TNFRSF14: variants seen among roughly 807,000 people sequenced by gnomAD.
The protein encoded by TNFRSF14 is TNF receptor superfamily member 14, also known as tumor necrosis factor receptor superfamily member 14.
Under a neutral mutation model 34.1 loss-of-function variants are expected in TNFRSF14, and 18 were observed. That is an observed-to-expected ratio of 0.53 (90% CI 0.36 to 0.78). TNFRSF14 has a LOEUF of 0.78. TNFRSF14 is among the 30% of genes least tolerant of loss of function. The pLI is 0.00. For missense variants in TNFRSF14, 352 were observed against 379.5 expected (o/e 0.93, Z 0.60); for synonymous variants, 157 against 153.2 (o/e 1.02, Z -0.18).
rs958988813 is a variant in TNFRSF14, at chr1:2,557,920, C to G, written c.178+86C>G. On this transcript the variant is annotated intron_variant, in intron 2 of 7. Coordinates refer to ENST00000355716, the MANE Select transcript of TNFRSF14 (RefSeq NM_003820.4). ...TCTGCCCCAGACACCCCTGTGTTCT[C>G]TGCCCCCACAGCCATGGGTGTGATG... 4 of 1,137,262 alleles carry G rather than the reference C, an allele frequency of 3.5e-6. No individual in the cohort carries two copies. In the African/African-American group the frequency reaches 4.7e-5, roughly 13 times the overall value. 70.4% of individuals were successfully genotyped at this position (1,137,262 alleles called of 1,614,324 possible).
chr1:2,558,413 C>T lies in TNFRSF14; in HGVS notation c.249C>T (p.Tyr83=). 6.2e-7 allele frequency: 1 copy of T among 1,613,528 alleles called. No individual in the cohort carries two copies. The highest frequency in any genetic ancestry group is 8.5e-7 in the Non-Finnish European group (1 of 1,179,856). Residue 83 remains tyrosine (Y), a synonymous_variant, in exon 3 of 8, where the codon TAC becomes TAT. Coordinates refer to ENST00000355716, the MANE Select transcript of TNFRSF14 (RefSeq NM_003820.4). ...TVCEPCPPGT[Y]IAHLNGLSKC... is the part of the protein sequence containing the mutation. ...GTGAACCCTGCCCTCCAGGCACCTA[C>T]ATTGCCCACCTCAATGGCCTAAGCA...
chr1:2,556,659 T>C lies in TNFRSF14; in HGVS notation c.-6T>C. 6.2e-7 allele frequency: 1 copy of C among 1,609,838 alleles called. No homozygotes were observed. Among genetic ancestry groups the C allele is most frequent in the Non-Finnish European group, 8.5e-7 (1 of 1,178,040 alleles). ...GGTTCCCGAGCTGCCGGTCTGAGCCTGAGGCATGGAGCCTCCTGGAGACTG... is the reference window on the plus strand; with the variant it reads ...GGTTCCCGAGCTGCCGGTCTGAGCCCGAGGCATGGAGCCTCCTGGAGACTG... On this transcript the variant is annotated 5_prime_UTR_variant, in exon 1 of 8. Transcript: ENST00000355716.
Position 2,561,140 on chromosome 1 carries a change from T to G in TNFRSF14, c.551+426T>G. 1 of 336,806 alleles carries G rather than the reference T, an allele frequency of 3.0e-6. No homozygotes were observed. The highest frequency in any genetic ancestry group is 5.4e-6 in the Non-Finnish European group (1 of 183,936). The allele number at this position is 336,806 out of a possible 1,614,324, so 20.9% of individuals were successfully genotyped here. On this transcript the variant is annotated intron_variant, in intron 5 of 7. Transcript: ENST00000355716. This position sits in a 1 kb window ranked among gnomAD's most constrained non-coding sequence, Gnocchi z 6.0. Reference sequence around the variant, plus strand: ...CAAATGCTGACCCTGGGCCCCTAACTGACCTGAGACTTCAGAGCTTCTTGG... The same window carrying G: ...CAAATGCTGACCCTGGGCCCCTAACGGACCTGAGACTTCAGAGCTTCTTGG...
At position 2,556,695 on chromosome 1, in the gene TNFRSF14, C is replaced by A; in HGVS notation, c.31C>A (p.Pro11Thr). Reference protein sequence around the residue: MEPPGDWGPPPWRSTPKTDVL... With the variant: MEPPGDWGPPTWRSTPKTDVL... ...GCCTCCTGGAGACTGGGGGCCTCCT[C>A]CCTGGAGATCCACCCCCAAAACCGA... The change falls in exon 1 of 8, where the codon CCC (proline) becomes ACC (threonine). Residue 11 changes from proline (P) to threonine (T), a missense_variant. Transcript: ENST00000355716. 6.2e-7 allele frequency: 1 copy of A among 1,608,638 alleles called. No homozygotes were observed. Among genetic ancestry groups the A allele is most frequent in the South Asian group, 1.1e-5 (1 of 90,172 alleles).
At chr1:2,558,853 C>T (rs1465810753) in intron 3 of TNFRSF14, 2 of 1,324,770 alleles carry the variant, frequency 1.5e-6, no homozygotes, top group African/African-American at 1.5e-5. Flanking sequence ...TGCTTCCCCA[C>T]AGGGCTTCTT....
Position 2,563,259 on chromosome 1 carries a change from A to G in TNFRSF14, c.838A>G (p.Ser280Gly). The G allele has an allele frequency of 6.2e-7, 1 of 1,613,388 alleles. No homozygotes were observed. Among genetic ancestry groups the G allele is most frequent in the Non-Finnish European group, 8.5e-7 (1 of 1,179,976 alleles). ...EETIPSFTGR[S>G]PNH ...GACAATACCCTCATTCACGGGGAGGAGCCCAAACCACTGACCCACAGACTC... is the reference window on the plus strand; with the variant it reads ...GACAATACCCTCATTCACGGGGAGGGGCCCAAACCACTGACCCACAGACTC... The change falls in exon 8 of 8, where the codon AGC becomes GGC. Residue 280 changes from serine (S) to glycine (G), a missense_variant. By Grantham distance (56) the Ser-to-Gly change is moderately conservative. Coordinates refer to ENST00000355716, the MANE Select transcript of TNFRSF14 (RefSeq NM_003820.4).
chr1:2,556,731 C>T lies in TNFRSF14; in HGVS notation c.67C>T (p.Leu23=). ...CACCCCCAAAACCGACGTCTTGAGG[C>T]TGGTGAGCCCCCGAGCCTCCTCTCC... ...RSTPKTDVLR[L]VLYLTFLGAP... is the part of the protein sequence containing the mutation. Residue 23 remains leucine (L), a splice_region_variant and synonymous_variant, in exon 1 of 8, where the codon CTG becomes TTG. Coordinates refer to ENST00000355716, the MANE Select transcript of TNFRSF14 (RefSeq NM_003820.4). 6.3e-7 allele frequency: 1 copy of T among 1,597,470 alleles called. No homozygotes were observed. Among genetic ancestry groups the T allele is most frequent in the Non-Finnish European group, 8.5e-7 (1 of 1,172,362 alleles).
At chr1:2,563,006 G>T in intron 7 of TNFRSF14, 110 bp downstream of exon 7, 1 of 1,547,724 alleles carries the variant, frequency 6.5e-7, no homozygotes, top group Non-Finnish European at 8.8e-7. Flanking sequence ...GTTCTCTGAG[G>T]GTCCTGAGTC....
At position 2,561,826 on chromosome 1, in the gene TNFRSF14, G is replaced by A. The variant is rs371057827; in HGVS notation, c.694+11G>A. On this transcript the variant is annotated intron_variant, in intron 6 of 7. Coordinates refer to ENST00000355716, the MANE Select transcript of TNFRSF14 (RefSeq NM_003820.4). This position sits in a 1 kb window ranked among gnomAD's most constrained non-coding sequence, Gnocchi z 6.0. ...GAAGAAAGCCAAGGGGTGAGCACAC[G>A]GCGGCCCCATCAGGGCTCATGTCCC... 6.2e-6 allele frequency: 10 copies of A among 1,612,076 alleles called. No individual in the cohort carries two copies. Among genetic ancestry groups the A allele is most frequent in the African/African-American group, 1.3e-5 (1 of 74,896 alleles).
At position 2,560,728 on chromosome 1, in the gene TNFRSF14, G is replaced by C. The variant is rs767449717; in HGVS notation, c.551+14G>C. ...GCACCAGACCAAGTAAGTGAACCCG[G>C]GGGAGGCCCAGCTCTGTGCCCTGGG... On this transcript the variant is annotated intron_variant, in intron 5 of 7. Transcript: ENST00000355716. 2 of 1,612,210 alleles carry C rather than the reference G, an allele frequency of 1.2e-6. No homozygotes were observed. The highest frequency in any genetic ancestry group is 1.1e-5 in the South Asian group (1 of 91,012).
Position 2,562,412 on chromosome 1 carries a change from G to A in TNFRSF14, c.695-453G>A, listed in dbSNP as rs372870131. ...AGTCAGCCCCATCCTCCAGCCAGGCGGCAGCAAAGCCACCTGATCCTCACC... is the reference window on the plus strand; with the variant it reads ...AGTCAGCCCCATCCTCCAGCCAGGCAGCAGCAAAGCCACCTGATCCTCACC... On this transcript the variant is annotated intron_variant, in intron 6 of 7. Coordinates refer to ENST00000355716, the MANE Select transcript of TNFRSF14 (RefSeq NM_003820.4). 1.2e-4 allele frequency: 28 copies of A among 240,278 alleles called. 1 individual carries two copies. In the East Asian group the frequency reaches 1.4e-3, roughly 12 times the overall value. The allele number at this position is 240,278 out of a possible 1,614,324, so 14.9% of individuals were successfully genotyped here.
chr1:2,558,652 C>A, intron 3 of TNFRSF14, 184 bp downstream of exon 3: 2 of 1,236,250 alleles, frequency 1.6e-6, no homozygotes, highest in Non-Finnish European at 2.2e-6. Flanking sequence ...CGGCCCCCGT[C>A]CACCTCTGTC....
At chr1:2,562,700 C>A in intron 6 of TNFRSF14, 165 bp from the exon 7 acceptor site, 1 of 917,068 alleles carries the variant, frequency 1.1e-6, no homozygotes, top group Non-Finnish European at 1.8e-6. Flanking sequence ...GCAGTCCCAA[C>A]ACAGTTGGCC....
At position 2,556,537 on chromosome 1, in the gene TNFRSF14, C is replaced by T. The variant is rs1644215529; in HGVS notation, c.-128C>T. 1 of 984,250 alleles carries T rather than the reference C, an allele frequency of 1.0e-6. No individual in the cohort carries two copies. The highest frequency in any genetic ancestry group is 1.6e-5 in the African/African-American group (1 of 62,118). 61.0% of individuals were successfully genotyped at this position (984,250 alleles called of 1,614,324 possible). A position where few individuals can be genotyped will look rare whatever the true frequency, so the allele number is the denominator to read the frequency against. On this transcript the variant is annotated 5_prime_UTR_variant, in exon 1 of 8. Transcript: ENST00000355716. ...TCGGGTTCTGAGGCACAGCTTGTCA[C>T]ACCGAGGCGGATTCTCTTTCTCTTT...
intron 3 of TNFRSF14, chr1:2,558,678 T>G (rs1308219902): frequency 8.6e-7 from 1 of 1,160,626 alleles, no homozygotes; most frequent in Non-Finnish European, 1.2e-6. Context: ...TCTCACTTTG[T>G]CACCGCCAGG....
intron 4 of TNFRSF14, 72 bp downstream of exon 4, chr1:2,560,050 G>C: frequency 6.9e-7 from 1 of 1,457,864 alleles, no homozygotes; most frequent in Non-Finnish European, 9.1e-7. Context: ...TGGAGCCCCA[G>C]GTTTCCTCGA....
Position 2,561,351 on chromosome 1 carries a change from T to C in TNFRSF14, c.552-322T>C, listed in dbSNP as rs1644305458. 1.3e-6 allele frequency: 1 copy of C among 747,628 alleles called. No individual in the cohort carries two copies. The highest frequency in any genetic ancestry group is 1.8e-5 in the African/African-American group (1 of 56,438). 46.3% of individuals were successfully genotyped at this position (747,628 alleles called of 1,614,324 possible). A position where few individuals can be genotyped will look rare whatever the true frequency, so the allele number is the denominator to read the frequency against. ...TCTCCCTCTACCTTCTGTCCTTGTC[T>C]GCCACTGGTCTCCCGTGCTCTGGGG... On this transcript the variant is annotated intron_variant, in intron 5 of 7. Transcript: ENST00000355716. This position sits in a 1 kb window ranked among gnomAD's most constrained non-coding sequence, Gnocchi z 6.0.
chr1:2,555,684 G>A (rs1644202105), upstream of TNFRSF14: 1 of 152,546 alleles, frequency 6.6e-6, no homozygotes, highest in Non-Finnish European at 1.5e-5. The surrounding 1 kb of genome is among the most constrained non-coding windows in gnomAD (Gnocchi z 6.3). Context: ...GACAGACCTG[G>A]GCTTCCATTG....
In TNFRSF14 at chr1:2,558,389, T is replaced by C. The variant is rs907773830; in HGVS notation, c.225T>C (p.Cys75=). 1 of 1,613,266 alleles carries C rather than the reference T, an allele frequency of 6.2e-7. No homozygotes were observed. The highest frequency in any genetic ancestry group is 8.5e-7 in the Non-Finnish European group (1 of 1,179,730). The part of the protein sequence containing the change: ...EACGELTGTV[C]EPCPPGTYIA... The stretch of plus-strand genomic sequence containing the variant: ...GCGGGGAGCTGACGGGCACAGTGTG[T>C]GAACCCTGCCCTCCAGGCACCTACA... Residue 75 remains cysteine (C), a synonymous_variant, in exon 3 of 8, where the codon TGT becomes TGC. Transcript: ENST00000355716.
Sources: gnomAD v4.1 joint callset for allele counts on GRCh38, gnomAD v4.1.1 for gene constraint, Gnocchi (gnomAD v3.1) non-coding constraint, MANE v1.5 for transcripts, NCBI Gene and HGNC (gene_info 2026-07-23, HGNC 2026-07-21) for gene names.